The following PYGB variants were observed in gnomAD, a reference collection of about 807,000 sequenced individuals.
The protein encoded by PYGB is glycogen phosphorylase, brain form.
Under a neutral mutation model 94.3 loss-of-function variants are expected in PYGB, and 82 were observed. That is an observed-to-expected ratio of 0.87 (90% confidence interval 0.73 to 1.04). The LOEUF is 1.04. PYGB is among the 50% of genes least tolerant of loss of function. The pLI is 0.00. For missense variants in PYGB, 1,132 were observed against 1,158.2 expected, an observed-to-expected ratio of 0.98 and a Z score of 0.33; for synonymous variants, 488 against 479.1, an observed-to-expected ratio of 1.02 and a Z score of -0.24.
At chr20:25,256,776 T>A (rs1358963493) in intron 1 of PYGB, among the ~76,000 whole-genome samples, 1 of 151,940 alleles carries the variant, frequency 6.6e-6, no homozygotes, top group Non-Finnish European at 1.5e-5. Flanking sequence ...GGGGAGTGAG[T>A]GGAAAGAGGC....
chr20:25,294,941 T>C, intron 18 of PYGB: 1 of 1,613,372 alleles, frequency 6.2e-7, no homozygotes, highest in Non-Finnish European at 8.5e-7. Context: ...TGTCTGCTGC[T>C]CTTCGATGAC....
At chr20:25,290,658 C>T in intron 16 of PYGB, 36 bp downstream of exon 16, 1 of 1,585,094 alleles carries the variant, frequency 6.3e-7, no homozygotes, top group Non-Finnish European at 8.7e-7. Flanking sequence ...AGAAAACTCA[C>T]TCCTGCCGGG....
intron 4 of PYGB, 67 bp from the exon 5 acceptor site, chr20:25,274,525 G>C: frequency 6.3e-7 from 1 of 1,577,408 alleles, no homozygotes; most frequent in South Asian, 1.2e-5. Context: ...GGTCTGCTGG[G>C]TCCAGGACAG....
At chr20:25,294,091 A>G in intron 17 of PYGB, 67 bp from the exon 18 acceptor site, 1 of 1,583,042 alleles carries the variant, frequency 6.3e-7, no homozygotes, top group Non-Finnish European at 8.6e-7. Flanking sequence ...AGGCACCAAC[A>G]TGGCTTGTTC....
At chr20:25,255,841 C>T (rs1315745854) in intron 1 of PYGB, among the ~76,000 whole-genome samples, 2 of 151,948 alleles carry the variant, frequency 1.3e-5, no homozygotes, top group Non-Finnish European at 2.9e-5. Flanking sequence ...TCAGGCGATT[C>T]TCCTGCCTCA....
Position 25,296,625 on chromosome 20 carries a change from TTC to T in PYGB, c.*105_*106del. The stretch of plus-strand genomic sequence containing the variant: ...TGCCAGCCACTGGTGGTCCCTGCTT[TTC>T]TGAGTACCATGTTTCCAGGAGGGGC... On this transcript the variant is annotated 3_prime_UTR_variant, in exon 20 of 20. Transcript: ENST00000216962. The T allele has an allele frequency of 8.4e-6, 12 of 1,423,800 alleles. No individual in the cohort carries two copies. The highest frequency in any genetic ancestry group is 1.1e-5 in the Non-Finnish European group (12 of 1,060,300). The allele number at this position is 1,423,800 out of a possible 1,614,324, so 88.2% of individuals were successfully genotyped here.
intron 1 of PYGB, among the ~76,000 whole-genome samples, chr20:25,254,619 G>A (rs2092898001): frequency 6.6e-6 from 1 of 152,128 alleles, no homozygotes; most frequent in Non-Finnish European, 1.5e-5. Context: ...GGCATTTCTC[G>A]GCCTACAAAC....
At chr20:25,288,618 T>C (rs913001458) in intron 15 of PYGB, 135 bp downstream of exon 15, 2 of 1,028,670 alleles carry the variant, frequency 1.9e-6, no homozygotes, top group Non-Finnish European at 2.9e-6. Context: ...GCCCCTCTGG[T>C]ATGCCTGTGG....
chr20:25,295,127 A>C, intron 18 of PYGB: 1 of 1,307,902 alleles, frequency 7.6e-7, no homozygotes, highest in South Asian at 1.2e-5. Flanking sequence ...GTAGATTCAT[A>C]AATCTGGCAT....
intron 2 of PYGB, among the ~76,000 whole-genome samples, chr20:25,265,672 G>T (rs1204329156): frequency 6.8e-6 from 1 of 146,606 alleles, no homozygotes; most frequent in Non-Finnish European, 1.5e-5. Flanking sequence ...TCGGCTCACT[G>T]CAGGCTTCAC....
At chr20:25,287,170 G>A (rs752463925) in intron 14 of PYGB, among the ~76,000 whole-genome samples, 7 of 152,216 alleles carry the variant, frequency 4.6e-5, no homozygotes, top group Admixed American at 1.3e-4. Context: ...GCAGTGAGCC[G>A]GCCGTCATGG....
intron 4 of PYGB, among the ~76,000 whole-genome samples, chr20:25,274,012 G>A (rs1361552164): frequency 1.3e-5 from 2 of 152,210 alleles, no homozygotes; most frequent in Non-Finnish European, 1.5e-5. Context: ...CGCCTGGCCA[G>A]TGTGTCCCCG....
chr20:25,269,938 A>G (rs938847203), intron 3 of PYGB, among the ~76,000 whole-genome samples: 4 of 152,072 alleles, frequency 2.6e-5, no homozygotes, highest in Non-Finnish European at 4.4e-5. Context: ...CCATGGCCAG[A>G]TATGAGTAGA....
At position 25,278,279 on chromosome 20, in the gene PYGB, G is replaced by GACCCT. The variant is rs770371964; in HGVS notation, c.856-40_856-39insACCCT. On this transcript the variant is annotated intron_variant, in intron 7 of 19. Transcript: ENST00000216962. ...CCTGGGCTTCCTGGGGGAGGAGAAT[G>GACCCT]GCCCAGCCTGCACCCTCCAGCTTGC... 2.7e-5 allele frequency: 12 copies of GACCCT among 436,700 alleles called. 1 individual carries two copies. In the East Asian group the frequency reaches 2.4e-3, roughly 87 times the overall value. 27.1% of individuals were successfully genotyped at this position (436,700 alleles called of 1,614,324 possible).
intron 15 of PYGB, among the ~76,000 whole-genome samples, chr20:25,289,425 G>C (rs1489643183): frequency 6.6e-6 from 1 of 152,148 alleles, no homozygotes; most frequent in South Asian, 2.1e-4. Flanking sequence ...CGGGTGGATC[G>C]CATGAGCCCA....
intron 5 of PYGB, among the ~76,000 whole-genome samples, chr20:25,275,788 G>A (rs566571037): frequency 2.0e-5 from 3 of 152,288 alleles, no homozygotes; most frequent in Admixed American, 1.3e-4. Context: ...ATGCCTTGGC[G>A]GGGACTTGTC....
At position 25,280,930 on chromosome 20, in the gene PYGB, C is replaced by T; in HGVS notation, c.1240-19C>T. The T allele has an allele frequency of 1.9e-6, 3 of 1,612,496 alleles. No individual in the cohort carries two copies. Among genetic ancestry groups the T allele is most frequent in the Non-Finnish European group, 2.5e-6 (3 of 1,179,188 alleles). On this transcript the variant is annotated intron_variant, in intron 10 of 19. Transcript: ENST00000216962. ...GGGCCTCCTGTGCCCACCCACCTGC[C>T]TCTGTGTTTTGGCACCAGCACGTGG...
intron 18 of PYGB, 69 bp downstream of exon 18, chr20:25,294,361 G>C (rs1345307615): frequency 6.7e-7 from 1 of 1,496,900 alleles, no homozygotes; most frequent in Admixed American, 1.7e-5. Context: ...TTCGTGGGTT[G>C]GATATTCCAC....
rs202167602 is a variant in PYGB, at chr20:25,283,167, G to C, written c.1519-9G>C. ...GGCCCACAGTGAGCGGAACCTTTACGTTCTCCAGAAAATTGGGGAGGAGTT... is the reference window on the plus strand; with the variant it reads ...GGCCCACAGTGAGCGGAACCTTTACCTTCTCCAGAAAATTGGGGAGGAGTT... On this transcript the variant is annotated splice_polypyrimidine_tract_variant and intron_variant, in intron 12 of 19. Coordinates refer to ENST00000216962, the MANE Select transcript of PYGB (RefSeq NM_002862.4). The C allele has an allele frequency of 5.0e-6, 8 of 1,610,026 alleles. No homozygotes were observed. The highest frequency in any genetic ancestry group is 6.8e-6 in the Non-Finnish European group (8 of 1,176,624).
Sources: allele counts gnomAD v4.1 joint callset (sites outside exome capture counted in the v4.1 genomes callset), GRCh38; gene constraint gnomAD v4.1.1; transcripts MANE v1.5; gene names NCBI Gene and HGNC (gene_info 2026-07-23, HGNC 2026-07-21).